DNAI4: variants seen among roughly 807,000 people sequenced by gnomAD.
DNAI4 encodes the protein WD repeat domain 78.
Under a neutral mutation model 105.8 loss-of-function variants are expected in DNAI4, and 85 were observed. That is an observed-to-expected ratio of 0.80 (90% CI 0.67 to 0.96). DNAI4 has a LOEUF of 0.96. Among genes scored for constraint, DNAI4 ranks in the 40% least tolerant of loss-of-function variants. DNAI4 has a pLI of 0.00. For synonymous variants in DNAI4, 352 were observed against 331.5 expected (o/e 1.06, Z -0.67); for missense variants, 1,014 against 1,005.6 (o/e 1.01, Z -0.11).
chr1:66,848,272 T>C, intron 7 of DNAI4: 4 of 456,248 alleles, frequency 8.8e-6, no homozygotes. Flanking sequence ...GCATTCCCGC[T>C]GACCTTCTTC....
chr1:66,889,953 T>C, intron 4 of DNAI4, among the ~76,000 whole-genome samples: 1 of 152,202 alleles, frequency 6.6e-6, no homozygotes. Flanking sequence ...TTCTAAGTGT[T>C]CCCATGACGT....
At chr1:66,908,767 T>C (rs1649442611) in intron 1 of DNAI4, among the ~76,000 whole-genome samples, 1 of 152,238 alleles carries the variant, frequency 6.6e-6, no homozygotes, top group Admixed American at 6.5e-5. Context: ...GTCCTTAATG[T>C]GCCAGCAATC....
At chr1:66,898,633 T>C (rs570351156) in intron 2 of DNAI4, among the ~76,000 whole-genome samples, 1 of 152,184 alleles carries the variant, frequency 6.6e-6, no homozygotes, top group Admixed American at 6.5e-5. Context: ...AGTCCCCCAC[T>C]AGCGAGGAGA....
chr1:66,835,682 G>A lies in DNAI4; in HGVS notation c.1677C>T (p.Gly559=). 1 of 1,614,112 alleles carries A rather than the reference G, an allele frequency of 6.2e-7. No homozygotes were observed. The highest frequency in any genetic ancestry group is 1.3e-5 in the African/African-American group (1 of 75,034). Reference sequence around the variant, plus strand: ...TCCGTACATTGTAAATTGCAATTGTGCCATTGTGATAGCCAACGGCTAAAA... The same window carrying A: ...TCCGTACATTGTAAATTGCAATTGTACCATTGTGATAGCCAACGGCTAAAA... ...PNLLAVGYHN[G]TIAIYNVRSN... is the part of the protein sequence containing the mutation. Residue 559 remains glycine, a synonymous_variant, in exon 11 of 17, where the codon GGC becomes GGT. Coordinates refer to ENST00000371026, the MANE Select transcript of DNAI4 (RefSeq NM_024763.5).
intron 16 of DNAI4, among the ~76,000 whole-genome samples, chr1:66,814,449 ACCT>A (rs1316289931): frequency 1.3e-5 from 2 of 151,854 alleles, no homozygotes; most frequent in Non-Finnish European, 2.9e-5. Context: ...GCTCACTGTA[ACCT>A]CCGCCTCCTG....
At chr1:66,916,458 C>CA (rs1650080562) in intron 1 of DNAI4, among the ~76,000 whole-genome samples, 1 of 152,158 alleles carries the variant, frequency 6.6e-6, no homozygotes, top group African/African-American at 2.4e-5. Flanking sequence ...GCCTTATCTC[C>CA]AGGCCCCATA....
chr1:66,834,031 T>A lies in DNAI4; in HGVS notation c.1851A>T (p.Arg617Ser). The change falls in exon 12 of 17, where the codon AGA becomes AGT. Residue 617 changes from arginine (R) to serine (S), a missense_variant. Physicochemically the swap from Arg to Ser is moderately radical, Grantham distance 110. Coordinates refer to ENST00000371026, the MANE Select transcript of DNAI4 (RefSeq NM_024763.5). ...CTTTTCGTATAACCCATTTGGAGATTCTTCCATCTGCTGATATAGAAACTA... is the reference window on the plus strand; with the variant it reads ...CTTTTCGTATAACCCATTTGGAGATACTTCCATCTGCTGATATAGAAACTA... Reference protein sequence around the residue: ...EILVSISADGRISKWVIRKGL... With the variant: ...EILVSISADGSISKWVIRKGL... 6.2e-7 allele frequency: 1 copy of A among 1,610,680 alleles called. No homozygotes were observed. The highest frequency in any genetic ancestry group is 8.5e-7 in the Non-Finnish European group (1 of 1,178,862).
rs112679896 is a variant in DNAI4, at chr1:66,871,067, T to C, written c.940+303A>G. 5.2e-3 allele frequency: 1,556 copies of C among 298,502 alleles called. 18 individuals carry two copies. Among genetic ancestry groups the C allele is most frequent in the African/African-American group, 0.03 (1,406 of 46,834 alleles). 18.5% of individuals were successfully genotyped at this position (298,502 alleles called of 1,614,324 possible). A position where few individuals can be genotyped will look rare whatever the true frequency, so the allele number is the denominator to read the frequency against. On this transcript the variant is annotated intron_variant, in intron 6 of 16. Coordinates refer to ENST00000371026, the MANE Select transcript of DNAI4 (RefSeq NM_024763.5). Reference sequence around the variant, plus strand: ...GACACATTTAAAATGTTAATAGTTATGGCTGATATTCTTTGTGACATAGTA... The same window carrying C: ...GACACATTTAAAATGTTAATAGTTACGGCTGATATTCTTTGTGACATAGTA...
At chr1:66,895,469 T>TA (rs1376639850) in intron 2 of DNAI4, among the ~76,000 whole-genome samples, 4 of 152,192 alleles carry the variant, frequency 2.6e-5, no homozygotes, top group Non-Finnish European at 5.9e-5. Flanking sequence ...GACTCATCTC[T>TA]AAAAAAATTT....
At chr1:66,864,375 AAAG>A (rs1646687775) in intron 6 of DNAI4, among the ~76,000 whole-genome samples, 1 of 152,200 alleles carries the variant, frequency 6.6e-6, no homozygotes, top group Admixed American at 6.5e-5. Context: ...TGGTATCAGA[AAAG>A]AAGCATTCCA....
intron 1 of DNAI4, among the ~76,000 whole-genome samples, chr1:66,909,942 A>G (rs1649535315): frequency 6.6e-6 from 1 of 152,160 alleles, no homozygotes; most frequent in African/African-American, 2.4e-5. Context: ...CCTGGTCCAA[A>G]CACTATCCTA....
chr1:66,847,655 C>T lies in DNAI4; in HGVS notation c.1120G>A (p.Asp374Asn), dbSNP rs778875859. 8 of 1,608,664 alleles carry T rather than the reference C, an allele frequency of 5.0e-6. No homozygotes were observed. In the East Asian group the frequency reaches 1.6e-4, roughly 31 times the overall value. ...EKNSETSSLM[D>N]IENVILAKIH... ...TTTGCCAGAATTACATTTTCTATGTCCATTAGAGAACTAGTTTCACTATCT... is the reference window on the plus strand; with the variant it reads ...TTTGCCAGAATTACATTTTCTATGTTCATTAGAGAACTAGTTTCACTATCT... Residue 374 changes from aspartate to asparagine, a missense_variant, in exon 8 of 17, where the codon GAC becomes AAC. Physicochemically the swap from Asp to Asn is conservative, Grantham distance 23. Coordinates refer to ENST00000371026, the MANE Select transcript of DNAI4 (RefSeq NM_024763.5).
At chr1:66,866,873 T>C (rs567046891) in intron 6 of DNAI4, among the ~76,000 whole-genome samples, 4 of 152,170 alleles carry the variant, frequency 2.6e-5, no homozygotes, top group Non-Finnish European at 4.4e-5. Context: ...GGGTAATTTA[T>C]AAAGAATTTT....
chr1:66,897,812 T>A (rs1648456790), intron 2 of DNAI4, among the ~76,000 whole-genome samples: 1 of 152,190 alleles, frequency 6.6e-6, no homozygotes, highest in Non-Finnish European at 1.5e-5. Flanking sequence ...CCATCTTAAT[T>A]CCAATGGATG....
intron 6 of DNAI4, among the ~76,000 whole-genome samples, chr1:66,864,138 T>TA (rs994024083): frequency 1.3e-5 from 2 of 152,238 alleles, no homozygotes; most frequent in Non-Finnish European, 2.9e-5. Context: ...GTACTATAGT[T>TA]ACATTTGTTC....
intron 7 of DNAI4, among the ~76,000 whole-genome samples, chr1:66,856,313 C>CA (rs533761606): frequency 0.011 from 1,584 of 142,222 alleles, 22 homozygotes; most frequent in African/African-American, 0.03. Context: ...ACTAAAAATA[C>CA]AAAAAAAAAA....
chr1:66,836,316 GAAAGAAAGAA>G (rs1557909214), intron 10 of DNAI4, among the ~76,000 whole-genome samples: 4 of 144,154 alleles, frequency 2.8e-5, no homozygotes. Context: ...AAGAAAGAAA[GAAAGAAAGAA>G]GGAAAGAGGG....
chr1:66,891,164 A>G lies in DNAI4; in HGVS notation c.633T>C (p.Thr211=). Residue 211 remains threonine (T), a synonymous_variant, in exon 4 of 17, where the codon ACT becomes ACC. Transcript: ENST00000371026. The stretch of plus-strand genomic sequence containing the variant: ...GTATATTTTCATTACCTGTGAAACT[A>G]GTCAATCTTTCCCGTTTATAGGATG... ...EEPSYKRERL[T]SFTDLQVIRA... is the part of the protein sequence containing the mutation. The G allele has an allele frequency of 1.2e-6, 2 of 1,608,498 alleles. No homozygotes were observed. The highest frequency in any genetic ancestry group is 1.7e-6 in the Non-Finnish European group (2 of 1,175,012).
chr1:66,909,285 T>TACACACACACACAC (rs71058481), intron 1 of DNAI4, among the ~76,000 whole-genome samples: 11,851 of 134,404 alleles, frequency 0.088, 867 homozygotes, highest in African/African-American at 0.17. Flanking sequence ...CACCTCTCTC[T>TACACACACACACAC]ACACACACAC....
Sources: gnomAD v4.1 joint callset for allele counts (sites outside exome capture counted in the v4.1 genomes callset) on GRCh38, gnomAD v4.1.1 for gene constraint, MANE v1.5 for transcripts, NCBI Gene and HGNC (gene_info 2026-07-23, HGNC 2026-07-21) for gene names.